The following MNAT1 variants were observed in gnomAD, a reference collection of about 807,000 sequenced individuals.
The protein encoded by MNAT1 is CDK-activating kinase assembly factor MAT1.
In MNAT1, 43 loss-of-function variants were observed where a neutral mutation model predicts 42.0. The ratio of observed to expected loss-of-function variants is 1.02; its 90% CI spans 0.80 to 1.32. The LOEUF is 1.32. Among genes scored for constraint, MNAT1 ranks in the 40% most tolerant of loss-of-function variants. The pLI is 0.00. For synonymous variants in MNAT1, 118 were observed against 120.0 expected (o/e 0.98, Z 0.11); for missense variants, 306 against 350.4 (o/e 0.87, Z 1.01).
chr14:60,802,072 T>C (rs1231823925), intron 3 of MNAT1, among the ~76,000 whole-genome samples: 1 of 152,048 alleles, frequency 6.6e-6, no homozygotes, highest in Non-Finnish European at 1.5e-5. Context: ...TCTAAAAAAG[T>C]TGAACTTAGA....
chr14:60,746,461 G>A (rs377248495), intron 1 of MNAT1, among the ~76,000 whole-genome samples: 12 of 151,436 alleles, frequency 7.9e-5, no homozygotes, highest in African/African-American at 2.7e-4. Context: ...GTTGCAGTGA[G>A]CCGAGACCGC....
chr14:60,853,478 A>G (rs947327898), intron 6 of MNAT1, among the ~76,000 whole-genome samples: 1 of 152,228 alleles, frequency 6.6e-6, no homozygotes, highest in Non-Finnish European at 1.5e-5. Flanking sequence ...ATATACAATC[A>G]TGTCATCTGC....
chr14:60,859,904 G>A (rs534987717), intron 6 of MNAT1, among the ~76,000 whole-genome samples: 1 of 152,294 alleles, frequency 6.6e-6, no homozygotes. Context: ...AAGTTACTAA[G>A]TGCTGGGTAA....
chr14:60,772,806 C>T (rs939965669), intron 1 of MNAT1, among the ~76,000 whole-genome samples: 1 of 150,898 alleles, frequency 6.6e-6, no homozygotes. Flanking sequence ...TTCCAGAGTG[C>T]TAGGTAGAAA....
chr14:60,877,013 C>T (rs963747538), intron 6 of MNAT1, among the ~76,000 whole-genome samples: 11 of 152,014 alleles, frequency 7.2e-5, no homozygotes, highest in African/African-American at 2.2e-4. Context: ...CGTGCCATAC[C>T]GTTTTCCACA....
At chr14:60,848,665 T>G (rs1452133297) in intron 6 of MNAT1, among the ~76,000 whole-genome samples, 1 of 152,168 alleles carries the variant, frequency 6.6e-6, no homozygotes, top group Admixed American at 6.5e-5. Context: ...TTTTTCTTGC[T>G]TCATGGGATT....
intron 1 of MNAT1, among the ~76,000 whole-genome samples, chr14:60,777,256 GTA>G (rs1338646210): frequency 6.6e-6 from 1 of 152,128 alleles, no homozygotes; most frequent in African/African-American, 2.4e-5. Flanking sequence ...GTTTCTCTTT[GTA>G]TAATCCCATT....
intron 1 of MNAT1, among the ~76,000 whole-genome samples, chr14:60,745,652 A>G (rs1191113254): frequency 6.6e-6 from 1 of 152,138 alleles, no homozygotes; most frequent in Non-Finnish European, 1.5e-5. Flanking sequence ...CCTGGACTCA[A>G]GAGATCTGCC....
intron 7 of MNAT1, among the ~76,000 whole-genome samples, chr14:60,966,133 CT>C (rs577360114): frequency 5.5e-4 from 79 of 144,922 alleles, no homozygotes; most frequent in Admixed American, 6.2e-4. Context: ...GACTATTTTT[CT>C]TTTTTTTTTT....
intron 1 of MNAT1, among the ~76,000 whole-genome samples, chr14:60,746,921 TATACACAC>T (rs1264979088): frequency 2.4e-5 from 1 of 41,596 alleles, no homozygotes; most frequent in African/African-American, 1.1e-4. Context: ...TATATATATA[TATACACAC>T]ACACACACAC....
At chr14:60,800,586 T>C (rs2032171516) in intron 3 of MNAT1, among the ~76,000 whole-genome samples, 2 of 151,994 alleles carry the variant, frequency 1.3e-5, no homozygotes, top group Admixed American at 1.3e-4. Flanking sequence ...TAGATGACAG[T>C]TATGGCCTAT....
chr14:60,940,590 T>TGTATTTTTA (rs1393978289), intron 7 of MNAT1, among the ~76,000 whole-genome samples: 1 of 152,184 alleles, frequency 6.6e-6, no homozygotes, highest in Non-Finnish European at 1.5e-5. Flanking sequence ...GCTAATTTTT[T>TGTATTTTTA]GTATTTTTAG....
chr14:60,772,259 A>C (rs1186477304), intron 1 of MNAT1, among the ~76,000 whole-genome samples: 1 of 152,156 alleles, frequency 6.6e-6, no homozygotes, highest in Non-Finnish European at 1.5e-5. Flanking sequence ...AGACCCCCAC[A>C]TCTCTAAAGA....
At position 60,904,976 on chromosome 14, in the gene MNAT1, C is replaced by CTTTTTTTTTTTTTTTTT. The variant is rs3081651; in HGVS notation, c.809+25142_809+25158dup. ...AAAACAATAGATTGTTCAGCAGTTC[C>CTTTTTTTTTTTTTTTTT]TTTTTTTTTTTTTTTTTGGACGGAG... On this transcript the variant is annotated intron_variant, in intron 7 of 7. Transcript: ENST00000261245. 1.4e-3 allele frequency among the ~76,000 whole-genome samples: 108 copies of CTTTTTTTTTTTTTTTTT among 78,992 alleles called. 14 individuals are homozygous for CTTTTTTTTTTTTTTTTT. Among genetic ancestry groups the CTTTTTTTTTTTTTTTTT allele is most frequent in the South Asian group, 2.4e-3 (5 of 2,112 alleles). The allele number at this position is 78,992 out of a possible 152,430, so 51.8% of individuals were successfully genotyped here.
At chr14:60,751,063 T>A (rs915606044) in intron 1 of MNAT1, among the ~76,000 whole-genome samples, 11 of 152,072 alleles carry the variant, frequency 7.2e-5, no homozygotes, top group African/African-American at 2.7e-4. Context: ...TCAGCAAACA[T>A]CTTTCTAGTT....
At chr14:60,957,933 G>A (rs1332202041) in intron 7 of MNAT1, among the ~76,000 whole-genome samples, 2 of 152,058 alleles carry the variant, frequency 1.3e-5, no homozygotes, top group East Asian at 1.9e-4. Context: ...CGCCTCCCAG[G>A]TTCAAGTGAT....
chr14:60,812,704 A>C (rs1464346739), intron 5 of MNAT1, among the ~76,000 whole-genome samples: 1 of 152,108 alleles, frequency 6.6e-6, no homozygotes, highest in African/African-American at 2.4e-5. Flanking sequence ...GCTTACTCAT[A>C]AGCTAATTCA....
chr14:60,788,486 T>G (rs2031721266), intron 1 of MNAT1, among the ~76,000 whole-genome samples: 1 of 152,214 alleles, frequency 6.6e-6, no homozygotes. Flanking sequence ...AAAGACACCC[T>G]TGCCTTTGAA....
intron 6 of MNAT1, among the ~76,000 whole-genome samples, chr14:60,837,395 G>A (rs1480021516): frequency 1.3e-5 from 2 of 152,200 alleles, no homozygotes; most frequent in Non-Finnish European, 2.9e-5. Context: ...CAAAGACCGT[G>A]GGGAAAGCAT....
Sources: gnomAD v4.1 joint callset for allele counts (sites outside exome capture counted in the v4.1 genomes callset) on GRCh38, gnomAD v4.1.1 for gene constraint, MANE v1.5 for transcripts, NCBI Gene and HGNC (gene_info 2026-07-23, HGNC 2026-07-21) for gene names.